Variants in PIGK observed in about 807,000 individuals in gnomAD.
PIGK encodes GPI-anchor transamidase.
Under a neutral mutation model 50.6 loss-of-function variants are expected in PIGK, and 42 were observed. The ratio of observed to expected loss-of-function variants is 0.83; its 90% CI spans 0.65 to 1.07. PIGK has a LOEUF of 1.07. Ranked by LOEUF, PIGK falls within the 50% of genes least tolerant of loss-of-function variation. PIGK has a pLI of 0.00. For missense variants in PIGK, 448 were observed against 488.7 expected (o/e 0.92, Z 0.78); for synonymous variants, 151 against 156.0 (o/e 0.97, Z 0.24).
chr1:77,160,375 T>G (rs1655106064), intron 8 of PIGK, among the ~76,000 whole-genome samples: 1 of 152,198 alleles, frequency 6.6e-6, no homozygotes, highest in African/African-American at 2.4e-5. Flanking sequence ...CCTATAGCAG[T>G]GGGCTTCAGA....
In PIGK at chr1:77,107,357, A is replaced by G. The variant is rs530635750; in HGVS notation, c.1072-14867T>C. Among the ~76,000 whole-genome samples, 418 of 152,316 alleles carry G rather than the reference A, an allele frequency of 2.7e-3. 1 individual carries two copies. The highest frequency in any genetic ancestry group is 9.3e-3 in the African/African-American group (385 of 41,558). ...TCATTTCATTATGTACCCAGTAGTC[A>G]TTCAGGAGCAGGTTGTTCAGTTTCC... On this transcript the variant is annotated intron_variant, in intron 10 of 10. Transcript: ENST00000370812.
At chr1:77,206,367 G>C (rs1364058332) in intron 3 of PIGK, among the ~76,000 whole-genome samples, 3 of 152,058 alleles carry the variant, frequency 2.0e-5, no homozygotes, top group Non-Finnish European at 2.9e-5. Flanking sequence ...AACCCTGACT[G>C]AGCCATTTAC....
chr1:77,139,584 G>A (rs1654598375), intron 9 of PIGK, among the ~76,000 whole-genome samples: 1 of 152,158 alleles, frequency 6.6e-6, no homozygotes, highest in African/African-American at 2.4e-5. Flanking sequence ...AACACCAGCT[G>A]TTACTATCTA....
intron 3 of PIGK, among the ~76,000 whole-genome samples, chr1:77,182,792 A>G (rs983226662): frequency 1.3e-5 from 2 of 152,182 alleles, no homozygotes; most frequent in African/African-American, 4.8e-5. Flanking sequence ...AGCATAAACT[A>G]TTGTGACAGT....
At chr1:77,162,535 G>A (rs901630411) in intron 6 of PIGK, among the ~76,000 whole-genome samples, 1 of 152,142 alleles carries the variant, frequency 6.6e-6, no homozygotes. Context: ...TATCCTATAA[G>A]TTTGGAGAAA....
intron 9 of PIGK, among the ~76,000 whole-genome samples, chr1:77,130,030 C>T (rs2100534373): frequency 6.6e-6 from 1 of 151,546 alleles, no homozygotes; most frequent in East Asian, 1.9e-4. Flanking sequence ...GAGTCTTTTC[C>T]TCTTCTTAAA....
At chr1:77,109,969 G>A (rs1653798583) in intron 10 of PIGK, among the ~76,000 whole-genome samples, 2 of 152,086 alleles carry the variant, frequency 1.3e-5, no homozygotes, top group African/African-American at 4.8e-5. Flanking sequence ...ACCAATAACA[G>A]ACAAACAGAG....
chr1:77,169,398 A>C lies in PIGK; in HGVS notation c.240-3T>G. On this transcript the variant is annotated splice_polypyrimidine_tract_variant and splice_region_variant and intron_variant, in intron 3 of 10. Coordinates refer to ENST00000370812, the MANE Select transcript of PIGK (RefSeq NM_005482.3). Reference sequence around the variant, plus strand: ...CTGCAAGCATTAGGACAATGTGACTAGGGAAAAAAAATCCAGTAAATATAT... The same window carrying C: ...CTGCAAGCATTAGGACAATGTGACTCGGGAAAAAAAATCCAGTAAATATAT... 2 of 1,577,070 alleles carry C rather than the reference A, an allele frequency of 1.3e-6. No individual in the cohort carries two copies. The highest frequency in any genetic ancestry group is 1.7e-6 in the Non-Finnish European group (2 of 1,166,660).
chr1:77,202,065 AAT>A (rs1656182170), intron 3 of PIGK, among the ~76,000 whole-genome samples: 3 of 152,130 alleles, frequency 2.0e-5, no homozygotes, highest in African/African-American at 7.2e-5. Context: ...AAAAAAAAAA[AAT>A]ACCTGACTAA....
intron 10 of PIGK, among the ~76,000 whole-genome samples, chr1:77,122,037 C>A (rs1428901121): frequency 6.6e-6 from 1 of 152,044 alleles, no homozygotes; most frequent in Non-Finnish European, 1.5e-5. Flanking sequence ...AAAAGATAAT[C>A]CTTATTTTAT....
intron 3 of PIGK, among the ~76,000 whole-genome samples, chr1:77,193,076 A>G (rs929398695): frequency 2.0e-5 from 3 of 152,238 alleles, no homozygotes; most frequent in African/African-American, 7.2e-5. Context: ...TGCTTTGGCC[A>G]AATTCTTAGA....
intron 3 of PIGK, among the ~76,000 whole-genome samples, chr1:77,204,866 T>C (rs574722913): frequency 6.6e-6 from 1 of 152,318 alleles, no homozygotes; most frequent in Non-Finnish European, 1.5e-5. Context: ...TACCCAATAC[T>C]AGCTGAGCAG....
At chr1:77,105,074 G>A (rs909537234) in intron 10 of PIGK, among the ~76,000 whole-genome samples, 1 of 152,156 alleles carries the variant, frequency 6.6e-6, no homozygotes, top group African/African-American at 2.4e-5. Flanking sequence ...AGGTTGTGTA[G>A]ACAATTGAAG....
intron 10 of PIGK, among the ~76,000 whole-genome samples, chr1:77,093,460 G>A (rs908518488): frequency 1.3e-5 from 2 of 152,048 alleles, no homozygotes; most frequent in South Asian, 4.1e-4. Context: ...TCACATTTTA[G>A]ACAATAGGGG....
At chr1:77,179,106 A>T (rs1054345628) in intron 3 of PIGK, among the ~76,000 whole-genome samples, 1 of 152,224 alleles carries the variant, frequency 6.6e-6, no homozygotes, top group African/African-American at 2.4e-5. Context: ...AAATCCTAGA[A>T]CAGACCAGGT....
At chr1:77,126,728 T>C (rs1654241368) in intron 9 of PIGK, among the ~76,000 whole-genome samples, 1 of 152,162 alleles carries the variant, frequency 6.6e-6, no homozygotes, top group Non-Finnish European at 1.5e-5. Context: ...ACAAACCATA[T>C]ATAATTCAGA....
rs1653288395 is a variant in PIGK at position 77,091,130 on chromosome 1, T to A, written c.*1244A>T. 6.6e-6 allele frequency: 1 copy of A among 152,140 alleles called. No homozygotes were observed. Among genetic ancestry groups the A allele is most frequent in the African/African-American group, 2.4e-5 (1 of 41,438 alleles). The allele number at this position is 152,140 out of a possible 1,614,324, so 9.4% of individuals were successfully genotyped here. A position where few individuals can be genotyped will look rare whatever the true frequency, so the allele number is the denominator to read the frequency against. ...AAAGATGAACACATAAATTCTTGCA[T>A]AAAACAGATAAGACACCTGAAGGTA... On this transcript the variant is annotated 3_prime_UTR_variant, in exon 11 of 11. Coordinates refer to ENST00000370812, the MANE Select transcript of PIGK (RefSeq NM_005482.3).
chr1:77,164,711 C>T (rs143203021), intron 5 of PIGK, among the ~76,000 whole-genome samples: 9 of 151,880 alleles, frequency 5.9e-5, no homozygotes, highest in East Asian at 3.9e-4. Context: ...TAAGCACATA[C>T]GAGATTTCAG....
At chr1:77,193,658 G>C (rs1655965325) in intron 3 of PIGK, among the ~76,000 whole-genome samples, 1 of 152,148 alleles carries the variant, frequency 6.6e-6, no homozygotes, top group South Asian at 2.1e-4. Flanking sequence ...TACACAGAAG[G>C]AAAGGGCTTT....
Sources: allele counts gnomAD v4.1 joint callset (sites outside exome capture counted in the v4.1 genomes callset), GRCh38; gene constraint gnomAD v4.1.1; transcripts MANE v1.5; gene names NCBI Gene and HGNC (gene_info 2026-07-23, HGNC 2026-07-21).